Variants in DOK7 observed in about 807,000 individuals in gnomAD.
DOK7 encodes the protein protein Dok-7.
Under a neutral mutation model 30.7 loss-of-function variants are expected in DOK7, and 32 were observed. The observed-to-expected ratio is 1.04, with a 90% CI of 0.79 to 1.40. The LOEUF (loss-of-function observed/expected upper bound fraction) is 1.40. DOK7 is among the 40% of genes most tolerant of loss of function. The probability of loss-of-function intolerance (pLI) is 0.00; values close to 1 mark genes in which losing one functional copy is unlikely to be tolerated. For synonymous variants in DOK7, 447 were observed against 324.1 expected, an observed-to-expected ratio of 1.38 and a Z score of -4.07; for missense variants, 1,007 against 699.2, an observed-to-expected ratio of 1.44 and a Z score of -4.97.
At chr4:3,499,060 A>AG (rs778299899), downstream of DOK7, among the ~76,000 whole-genome samples, 36 of 152,184 alleles carry the variant, frequency 2.4e-4, no homozygotes, top group Non-Finnish European at 4.6e-4. Context: ...GACAAGGGTG[A>AG]GAGGAGCCAG....
At chr4:3,487,897 G>A (rs1377626867) in intron 5 of DOK7, among the ~76,000 whole-genome samples, 5 of 152,216 alleles carry the variant, frequency 3.3e-5, no homozygotes, top group Non-Finnish European at 7.3e-5. Flanking sequence ...CTTGTCTTCA[G>A]CCTGGACCCT....
downstream of DOK7, among the ~76,000 whole-genome samples, chr4:3,499,395 C>T (rs1392690867): frequency 2.0e-5 from 3 of 152,186 alleles, no homozygotes; most frequent in Non-Finnish European, 4.4e-5. Context: ...CGTTCCCTCA[C>T]GAGGTCCTGA....
Position 3,493,769 on chromosome 4 carries a change from TC to T in DOK7, c.*273del. 7.2e-7 allele frequency: 1 copy of T among 1,388,354 alleles called. No homozygotes were observed. The highest frequency in any genetic ancestry group is 9.3e-7 in the Non-Finnish European group (1 of 1,073,466). The allele number at this position is 1,388,354 out of a possible 1,614,324, so 86.0% of individuals were successfully genotyped here. On this transcript the variant is annotated 3_prime_UTR_variant, in exon 7 of 7. Transcript: ENST00000340083. ...CAATGCTCAGCTGCTTCACTCCGTG[TC>T]CCCCACCCCTGAGGATCAGGTGAGT...
Position 3,492,784 on chromosome 4 carries a change from A to G in DOK7, c.798A>G (p.Ser266=). The change falls in exon 7 of 7, where the codon TCA becomes TCG. Residue 266 remains serine, a synonymous_variant. Transcript: ENST00000340083. ...GGGATGACCGCAGCCTGTCCAGCTC[A>G]TCCTCAGAGGCCAGTCACTTGGACG... ...SGGDDRSLSS[S]SSEASHLDVS... The G allele has an allele frequency of 1.9e-6, 3 of 1,612,732 alleles. No homozygotes were observed. The highest frequency in any genetic ancestry group is 2.5e-6 in the Non-Finnish European group (3 of 1,179,950).
chr4:3,470,666 C>G (rs1171065661), intron 2 of DOK7, among the ~76,000 whole-genome samples: 1 of 152,232 alleles, frequency 6.6e-6, no homozygotes, highest in Non-Finnish European at 1.5e-5. Context: ...GGGCCAAATC[C>G]TGCCGGAACC....
intron 6 of DOK7, among the ~76,000 whole-genome samples, chr4:3,490,647 T>G (rs2109400329): frequency 2.6e-5 from 1 of 39,096 alleles, no homozygotes. Context: ...GCTCGTTCAT[T>G]TCCCTCCTGC....
chr4:3,463,674 G>A (rs1726108445), intron 2 of DOK7, 123 bp downstream of exon 2: 1 of 1,289,952 alleles, frequency 7.8e-7, no homozygotes, highest in Non-Finnish European at 1.1e-6. Flanking sequence ...AAACCCGAGA[G>A]CCCCGTGCGG....
chr4:3,490,302 G>GGCC (rs1728190036), intron 6 of DOK7, among the ~76,000 whole-genome samples: 1 of 50,678 alleles, frequency 2.0e-5, no homozygotes, highest in African/African-American at 8.6e-5. Flanking sequence ...TTCTTCCTCC[G>GGCC]CCCCCCCGGC....
At chr4:3,488,090 C>G (rs1456615378) in intron 5 of DOK7, among the ~76,000 whole-genome samples, 1 of 152,248 alleles carries the variant, frequency 6.6e-6, no homozygotes, top group Admixed American at 6.5e-5. Flanking sequence ...TTCCACCCTC[C>G]CAGGCACAGG....
downstream of DOK7, among the ~76,000 whole-genome samples, chr4:3,498,859 G>A (rs759507848): frequency 1.3e-5 from 2 of 152,252 alleles, no homozygotes; most frequent in Admixed American, 6.5e-5. Flanking sequence ...CAGGGTTGGG[G>A]CAGAATTGTG....
At chr4:3,486,429 T>A (rs1727794267) in intron 5 of DOK7, among the ~76,000 whole-genome samples, 1 of 152,210 alleles carries the variant, frequency 6.6e-6, no homozygotes, top group Non-Finnish European at 1.5e-5. Flanking sequence ...CAAGCTCACA[T>A]GTGGCGCCTC....
At chr4:3,491,536 CCTTCTCCCACCTATTCATTCATTCCT>C (rs1728452834) in intron 6 of DOK7, among the ~76,000 whole-genome samples, 1 of 16,252 alleles carries the variant, frequency 6.2e-5, no homozygotes, top group Admixed American at 1.1e-3. Flanking sequence ...TTCATTTCTT[CCTTCTCCCACCTATTCATTCATTCCT>C]TCCTTCACTT....
At position 3,468,704 on chromosome 4, in the gene DOK7, ATGTGTG is replaced by A. The variant is rs149801755; in HGVS notation, c.101-4698_101-4693del. Among the ~76,000 whole-genome samples the A allele has an allele frequency of 1.2e-3, 158 of 127,304 alleles. 2 individuals are homozygous for A. Among genetic ancestry groups the A allele is most frequent in the Middle Eastern group, 5.4e-3 (1 of 186 alleles). 83.5% of individuals were successfully genotyped at this position (127,304 alleles called of 152,430 possible). ...CCTGTGTGTGCATGTATGTCTGTGTATGTGTGTGTATGTGTGCGTGCCTGTATGTCT... is the reference window on the plus strand; with the variant it reads ...CCTGTGTGTGCATGTATGTCTGTGTATGTATGTGTGCGTGCCTGTATGTCT... On this transcript the variant is annotated intron_variant, in intron 2 of 6. Coordinates refer to ENST00000340083, the MANE Select transcript of DOK7 (RefSeq NM_173660.5).
chr4:3,482,918 C>T (rs1727519959), intron 4 of DOK7, among the ~76,000 whole-genome samples: 1 of 152,070 alleles, frequency 6.6e-6, no homozygotes, highest in African/African-American at 2.4e-5. Context: ...GGGGCTGAAC[C>T]CCAGAGGAGG....
intron 4 of DOK7, among the ~76,000 whole-genome samples, chr4:3,481,225 T>A (rs1367255144): frequency 2.0e-5 from 3 of 151,892 alleles, no homozygotes; most frequent in Non-Finnish European, 2.9e-5. Flanking sequence ...TGCTTGAGCA[T>A]GGGGAGTGTT....
At chr4:3,474,059 G>A (rs1250691196) in intron 3 of DOK7, among the ~76,000 whole-genome samples, 1 of 152,100 alleles carries the variant, frequency 6.6e-6, no homozygotes, top group Non-Finnish European at 1.5e-5. Context: ...TAGAGGGAGG[G>A]GAGAGGGAGG....
At position 3,494,391 on chromosome 4, in the gene DOK7, C is replaced by G. The variant is rs561432779; in HGVS notation, c.*890C>G. 3.0e-6 allele frequency: 3 copies of G among 985,766 alleles called. No individual in the cohort carries two copies. The African/African-American group carries it at 5.2e-5, about 17-fold the overall frequency. The allele number at this position is 985,766 out of a possible 1,614,324, so 61.1% of individuals were successfully genotyped here. ...CTGCCCTGACCACAGCCCAGCAGCTCCCTGTGAACACCTCTTTGTCCCTTC... is the reference window on the plus strand; with the variant it reads ...CTGCCCTGACCACAGCCCAGCAGCTGCCTGTGAACACCTCTTTGTCCCTTC... On this transcript the variant is annotated 3_prime_UTR_variant, in exon 7 of 7. Coordinates refer to ENST00000340083, the MANE Select transcript of DOK7 (RefSeq NM_173660.5).
At chr4:3,472,562 G>C (rs1009233093) in intron 2 of DOK7, among the ~76,000 whole-genome samples, 5 of 152,234 alleles carry the variant, frequency 3.3e-5, no homozygotes, top group African/African-American at 7.2e-5. Context: ...CTCTCAGGCA[G>C]ACCTGCTGCC....
chr4:3,493,096 C>A lies in DOK7; in HGVS notation c.1110C>A (p.Gly370=), dbSNP rs1211983698. 2 of 1,580,522 alleles carry A rather than the reference C, an allele frequency of 1.3e-6. No individual in the cohort carries two copies. The highest frequency in any genetic ancestry group is 1.7e-6 in the Non-Finnish European group (2 of 1,167,486). ...LDVWRATDEL[G]SLLSLPAAGA... is the part of the protein sequence containing the mutation. ...TGTGGCGGGCCACAGATGAACTGGG[C>A]TCACTGCTCAGCCTGCCAGCAGCGG... The change falls in exon 7 of 7, where the codon GGC becomes GGA. Residue 370 remains glycine, a synonymous_variant. Coordinates refer to ENST00000340083, the MANE Select transcript of DOK7 (RefSeq NM_173660.5).
Sources: allele counts gnomAD v4.1 joint callset (sites outside exome capture counted in the v4.1 genomes callset), GRCh38; gene constraint gnomAD v4.1.1; transcripts MANE v1.5; gene names NCBI Gene and HGNC (gene_info 2026-07-23, HGNC 2026-07-21).